KIF27: variants seen among roughly 807,000 people sequenced by gnomAD.
KIF27 encodes kinesin-like protein KIF27.
Under a neutral mutation model 141.8 loss-of-function variants are expected in KIF27, and 84 were observed. That is an observed-to-expected ratio of 0.59 (90% confidence interval 0.50 to 0.71). The LOEUF is 0.71. Among genes scored for constraint, KIF27 ranks in the 30% least tolerant of loss-of-function variants. The pLI, the probability that KIF27 is intolerant of heterozygous loss-of-function variation, is 0.00. For synonymous variants in KIF27, 471 were observed against 569.5 expected, an observed-to-expected ratio of 0.83 and a Z score of 2.46; for missense variants, 1,306 against 1,628.4, an observed-to-expected ratio of 0.80 and a Z score of 3.41.
intron 5 of KIF27, among the ~76,000 whole-genome samples, chr9:83,895,876 C>A (rs1953170656): frequency 6.6e-6 from 1 of 151,882 alleles, no homozygotes; most frequent in South Asian, 2.1e-4. Flanking sequence ...TGTTGAAACC[C>A]TGTCTCTACT....
At chr9:83,850,874 G>T (rs1948500848) in intron 15 of KIF27, among the ~76,000 whole-genome samples, 1 of 100,532 alleles carries the variant, frequency 9.9e-6, no homozygotes, top group Admixed American at 1.7e-4. Context: ...GTCTCGCTCT[G>T]TCATCCAAGC....
chr9:83,874,374 G>A (rs140970659), intron 11 of KIF27, among the ~76,000 whole-genome samples: 2 of 152,234 alleles, frequency 1.3e-5, no homozygotes, highest in South Asian at 2.1e-4. Context: ...AAGAACTACC[G>A]CTCTGAAGAG....
intron 1 of KIF27, among the ~76,000 whole-genome samples, chr9:83,916,726 C>T (rs559866335): frequency 1.5e-3 from 214 of 147,402 alleles, no homozygotes; most frequent in Non-Finnish European, 2.5e-3. Context: ...TGCAGTGGCG[C>T]GATCTGGGCT....
Position 83,836,540 on chromosome 9 carries a change from AT to A in KIF27, c.*460del. Among the ~76,000 whole-genome samples, 1 of 152,200 alleles carries A rather than the reference AT, an allele frequency of 6.6e-6. No individual in the cohort carries two copies. The highest frequency in any genetic ancestry group is 2.1e-4 in the South Asian group (1 of 4,824). On this transcript the variant is annotated 3_prime_UTR_variant, in exon 18 of 18. Transcript: ENST00000297814. ...AAGCTGAGAGGTTGTCTTAGCCCAC[AT>A]ATGCAGCAGGTGACTCCCTCTGACA...
At chr9:83,841,484 T>TA (rs1370638833) in intron 17 of KIF27, among the ~76,000 whole-genome samples, 1 of 152,198 alleles carries the variant, frequency 6.6e-6, no homozygotes, top group Non-Finnish European at 1.5e-5. Context: ...TCTTTCCAGG[T>TA]AAAAAATACA....
At chr9:83,912,782 T>C (rs1319451723) in intron 2 of KIF27, among the ~76,000 whole-genome samples, 1 of 152,114 alleles carries the variant, frequency 6.6e-6, no homozygotes, top group East Asian at 1.9e-4. Context: ...ACAAAAGTTT[T>C]TGGAAAAGGC....
chr9:83,897,453 A>G (rs1953387656), intron 5 of KIF27, among the ~76,000 whole-genome samples: 1 of 152,190 alleles, frequency 6.6e-6, no homozygotes, highest in Middle Eastern at 3.2e-3. Flanking sequence ...TACTCCATAC[A>G]CAGAAATCAA....
chr9:83,918,224 G>A (rs933243934), intron 1 of KIF27, among the ~76,000 whole-genome samples: 1 of 149,904 alleles, frequency 6.7e-6, no homozygotes, highest in Non-Finnish European at 1.5e-5. Flanking sequence ...ACAGTGAGCT[G>A]TATCTGCACC....
intron 13 of KIF27, among the ~76,000 whole-genome samples, chr9:83,864,781 A>C (rs1263335582): frequency 2.0e-5 from 3 of 152,216 alleles, no homozygotes; most frequent in Admixed American, 6.5e-5. Flanking sequence ...AGGTGTTAAA[A>C]GTCTCCCATT....
chr9:83,872,826 C>T (rs1950903724), intron 11 of KIF27, among the ~76,000 whole-genome samples: 1 of 152,164 alleles, frequency 6.6e-6, no homozygotes, highest in African/African-American at 2.4e-5. Context: ...GTAAAGGTAT[C>T]AATGGGGAGA....
At chr9:83,910,493 T>G (rs1955036672) in intron 2 of KIF27, among the ~76,000 whole-genome samples, 1 of 152,212 alleles carries the variant, frequency 6.6e-6, no homozygotes, top group African/African-American at 2.4e-5. Flanking sequence ...CGTCACCAAG[T>G]GTATCTGTTC....
chr9:83,859,934 C>T (rs1368616948), intron 13 of KIF27: 10 of 151,050 alleles, frequency 6.6e-5, no homozygotes, highest in African/African-American at 2.4e-4. Flanking sequence ...ACTAGGTTTT[C>T]AGAGGCAGTA....
At chr9:83,873,850 C>T (rs1950992233) in intron 11 of KIF27, among the ~76,000 whole-genome samples, 1 of 152,040 alleles carries the variant, frequency 6.6e-6, no homozygotes, top group Non-Finnish European at 1.5e-5. Flanking sequence ...GAGATCGAGA[C>T]CATCCTAGCT....
chr9:83,885,497 A>T (rs2132273952), intron 9 of KIF27, among the ~76,000 whole-genome samples: 1 of 152,336 alleles, frequency 6.6e-6, no homozygotes, highest in Non-Finnish European at 1.5e-5. Flanking sequence ...CTCTGACTCT[A>T]ATTTATGATT....
intron 13 of KIF27, among the ~76,000 whole-genome samples, chr9:83,861,904 T>A (rs1258386001): frequency 6.6e-6 from 1 of 151,638 alleles, no homozygotes; most frequent in East Asian, 1.9e-4. Context: ...CATTGTGGTT[T>A]TGATTTGCAT....
chr9:83,892,233 A>C (rs1451446483), intron 5 of KIF27, among the ~76,000 whole-genome samples: 1 of 152,194 alleles, frequency 6.6e-6, no homozygotes, highest in Non-Finnish European at 1.5e-5. Flanking sequence ...TACAATGTTG[A>C]AATAGGAAAA....
chr9:83,862,897 G>A (rs578231897), intron 13 of KIF27, among the ~76,000 whole-genome samples: 1 of 151,990 alleles, frequency 6.6e-6, no homozygotes. Flanking sequence ...TCACATCCCT[G>A]GTAAGTTGGA....
At chr9:83,875,178 AC>A (rs1206367839) in intron 11 of KIF27, among the ~76,000 whole-genome samples, 4 of 152,264 alleles carry the variant, frequency 2.6e-5, no homozygotes, top group Admixed American at 2.0e-4. Flanking sequence ...AAGAGCTAAA[AC>A]AAAACAGACT....
chr9:83,848,169 C>CTGATATATCATATATGATATA lies in KIF27; in HGVS notation c.3556+1909_3556+1929dup, dbSNP rs1341712968. 9.9e-5 allele frequency among the ~76,000 whole-genome samples: 6 copies of CTGATATATCATATATGATATA among 60,580 alleles called. 2 individuals are homozygous for CTGATATATCATATATGATATA. Among genetic ancestry groups the CTGATATATCATATATGATATA allele is most frequent in the Non-Finnish European group, 1.3e-4 (4 of 31,626 alleles). The allele number at this position is 60,580 out of a possible 152,430, so 39.7% of individuals were successfully genotyped here. A position where few individuals can be genotyped will look rare whatever the true frequency, so the allele number is the denominator to read the frequency against. On this transcript the variant is annotated intron_variant, in intron 16 of 17. Coordinates refer to ENST00000297814, the MANE Select transcript of KIF27 (RefSeq NM_017576.4). ...ATCTGATATATCATATATGATATAT[C>CTGATATATCATATATGATATA]TGATATATCATATATGATATATATG...
Sources: gnomAD v4.1 joint callset for allele counts (sites outside exome capture counted in the v4.1 genomes callset) on GRCh38, gnomAD v4.1.1 for gene constraint, MANE v1.5 for transcripts, NCBI Gene and HGNC (gene_info 2026-07-23, HGNC 2026-07-21) for gene names.